The following SMYD4 variants were observed in gnomAD, a reference collection of about 807,000 sequenced individuals.
The protein encoded by SMYD4 is protein-lysine N-methyltransferase SMYD4.
A neutral mutation model predicts 72.8 loss-of-function variants in SMYD4; 68 were observed. The observed-to-expected ratio is 0.93, with a 90% CI of 0.77 to 1.14. The LOEUF is 1.14. Ranked by LOEUF, SMYD4 falls within the 50% of genes most tolerant of loss-of-function variation. The pLI is 0.00. For missense variants in SMYD4, 984 were observed against 1,003.7 expected (o/e 0.98, Z 0.27); for synonymous variants, 407 against 388.6 (o/e 1.05, Z -0.56).
At chr17:1,811,177 C>G (rs2151244773) in intron 3 of SMYD4, among the ~76,000 whole-genome samples, 1 of 152,306 alleles carries the variant, frequency 6.6e-6, no homozygotes. Flanking sequence ...TAGACACTGC[C>G]CTGGGGTCGG....
rs1386449696 is a variant in SMYD4 at position 1,780,075 on chromosome 17, G to A, written c.*1211C>T. On this transcript the variant is annotated 3_prime_UTR_variant, in exon 11 of 11. Transcript: ENST00000305513. ...TGGGAACTGGGAGTTTGTACTGGAG[G>A]CCACTTAACTATTTCAAAAAATATT... 1 of 152,252 alleles carries A rather than the reference G, an allele frequency of 6.6e-6. No homozygotes were observed. Among genetic ancestry groups the A allele is most frequent in the Non-Finnish European group, 1.5e-5 (1 of 68,036 alleles). 9.4% of individuals were successfully genotyped at this position (152,252 alleles called of 1,614,324 possible).
intron 8 of SMYD4, chr17:1,783,988 C>G: frequency 3.1e-6 from 1 of 318,676 alleles, no homozygotes; most frequent in Non-Finnish European, 5.9e-6. Flanking sequence ...AGTTACATCA[C>G]TAGGCCCTGG....
intron 2 of SMYD4, among the ~76,000 whole-genome samples, chr17:1,815,793 G>A (rs1010590227): frequency 1.3e-5 from 2 of 150,638 alleles, no homozygotes; most frequent in African/African-American, 2.4e-5. Flanking sequence ...TCCGCCTCCC[G>A]GGTTCAAGCG....
chr17:1,827,843 A>G lies in SMYD4; in HGVS notation c.134+18T>C. On this transcript the variant is annotated intron_variant, in intron 2 of 10. Coordinates refer to ENST00000305513, the MANE Select transcript of SMYD4 (RefSeq NM_052928.3). Reference sequence around the variant, plus strand: ...TTTTTTGGCTCACAATTCCCTTGTTAAAGCTTGATTTACTTACTGAAGAAG... The same window carrying G: ...TTTTTTGGCTCACAATTCCCTTGTTGAAGCTTGATTTACTTACTGAAGAAG... 1 of 1,588,744 alleles carries G rather than the reference A, an allele frequency of 6.3e-7. No homozygotes were observed. The highest frequency in any genetic ancestry group is 8.6e-7 in the Non-Finnish European group (1 of 1,160,080).
chr17:1,795,620 T>C (rs886742610), intron 5 of SMYD4, among the ~76,000 whole-genome samples: 1 of 152,102 alleles, frequency 6.6e-6, no homozygotes, highest in Non-Finnish European at 1.5e-5. Context: ...TTTTTGTATT[T>C]TTAATAGAGA....
intron 3 of SMYD4, among the ~76,000 whole-genome samples, chr17:1,811,679 C>A (rs907901503): frequency 5.3e-5 from 8 of 152,154 alleles, no homozygotes; most frequent in African/African-American, 1.9e-4. Flanking sequence ...GTAATCCCAG[C>A]ACTTTGGGAG....
intron 5 of SMYD4, among the ~76,000 whole-genome samples, chr17:1,795,911 C>T (rs1597375892): frequency 6.6e-6 from 1 of 152,134 alleles, no homozygotes; most frequent in South Asian, 2.1e-4. Context: ...TGTATTTCCA[C>T]TTTCAGAATT....
At chr17:1,785,763 C>CAAAAAAAAAAA (rs1355052619) in intron 7 of SMYD4, among the ~76,000 whole-genome samples, 1 of 42,100 alleles carries the variant, frequency 2.4e-5, no homozygotes, top group African/African-American at 1.1e-4. Context: ...GACCCCATCT[C>CAAAAAAAAAAA]AAAAAAAAAA....
chr17:1,817,972 G>A (rs911673852), intron 2 of SMYD4, among the ~76,000 whole-genome samples: 26 of 150,752 alleles, frequency 1.7e-4, no homozygotes, highest in Admixed American at 9.3e-4. Flanking sequence ...GCGTGAACCC[G>A]GGAGGCGGAG....
intron 3 of SMYD4, among the ~76,000 whole-genome samples, chr17:1,805,927 C>T (rs1286688496): frequency 1.4e-5 from 2 of 140,472 alleles, no homozygotes; most frequent in African/African-American, 5.2e-5. Flanking sequence ...ACATCAAATT[C>T]TTTTTTTTTT....
At chr17:1,805,700 T>C (rs1909993741) in intron 3 of SMYD4, among the ~76,000 whole-genome samples, 1 of 151,672 alleles carries the variant, frequency 6.6e-6, no homozygotes, top group Admixed American at 6.6e-5. Flanking sequence ...TAATCCCAGT[T>C]ACTCGGGTGG....
intron 3 of SMYD4, 42 bp from the exon 4 acceptor site, chr17:1,804,757 G>T (rs1460044400): frequency 6.3e-7 from 1 of 1,583,836 alleles, no homozygotes; most frequent in Admixed American, 1.7e-5. Context: ...ATGGACACCA[G>T]CATCTCTGAA....
chr17:1,820,816 A>G (rs1489419711), intron 2 of SMYD4, among the ~76,000 whole-genome samples: 4 of 152,210 alleles, frequency 2.6e-5, no homozygotes, highest in African/African-American at 7.2e-5. Flanking sequence ...AAGAATGTCT[A>G]TTGGCAAGAA....
intron 3 of SMYD4, among the ~76,000 whole-genome samples, chr17:1,809,644 G>A (rs1324672392): frequency 6.7e-6 from 1 of 149,788 alleles, no homozygotes; most frequent in Non-Finnish European, 1.5e-5. Context: ...CAAAGTGCTG[G>A]GATTATAGGC....
intron 4 of SMYD4, among the ~76,000 whole-genome samples, chr17:1,803,041 G>C (rs1343129831): frequency 6.6e-6 from 1 of 152,218 alleles, no homozygotes; most frequent in Non-Finnish European, 1.5e-5. Context: ...CTACTCAGAG[G>C]CTGAGGCAGG....
At chr17:1,786,367 G>T (rs1248289126) in intron 7 of SMYD4, among the ~76,000 whole-genome samples, 1 of 152,112 alleles carries the variant, frequency 6.6e-6, no homozygotes, top group East Asian at 1.9e-4. Flanking sequence ...GCCTTATCCT[G>T]GAATTTTTCT....
Position 1,795,747 on chromosome 17 carries a change from G to GTTTTTTTTTTTTT in SMYD4, c.1537+4097_1537+4109dup, listed in dbSNP as rs368038317. On this transcript the variant is annotated intron_variant, in intron 5 of 10. Transcript: ENST00000305513. ...ATGAGCCACTGTGCCTGGCCCGTGA[G>GTTTTTTTTTTTTT]TTTTTTTTTTTTTTTTTTAAGTATT... 7.7e-4 allele frequency among the ~76,000 whole-genome samples: 99 copies of GTTTTTTTTTTTTT among 128,434 alleles called. 1 individual carries two copies. The highest frequency in any genetic ancestry group is 2.9e-3 in the African/African-American group (93 of 31,674). The allele number at this position is 128,434 out of a possible 152,430, so 84.3% of individuals were successfully genotyped here. A position where few individuals can be genotyped will look rare whatever the true frequency, so the allele number is the denominator to read the frequency against.
chr17:1,783,519 C>T, intron 8 of SMYD4, 43 bp from the exon 9 acceptor site: 1 of 1,562,234 alleles, frequency 6.4e-7, no homozygotes, highest in Non-Finnish European at 8.7e-7. Flanking sequence ...GACAGAAGCC[C>T]AGTCCTAGGA....
At chr17:1,801,845 G>A (rs1909778466) in intron 4 of SMYD4, among the ~76,000 whole-genome samples, 1 of 151,706 alleles carries the variant, frequency 6.6e-6, no homozygotes, top group African/African-American at 2.4e-5. Flanking sequence ...GCGTGGTGGT[G>A]GGCGCCTGTA....
Sources: allele counts gnomAD v4.1 joint callset (sites outside exome capture counted in the v4.1 genomes callset), GRCh38; gene constraint gnomAD v4.1.1; transcripts MANE v1.5; gene names NCBI Gene and HGNC (gene_info 2026-07-23, HGNC 2026-07-21).